The following SIRPA variants were observed in gnomAD, a reference collection of about 807,000 sequenced individuals.
SIRPA encodes signal regulatory protein alpha.
A neutral mutation model predicts 50.3 loss-of-function variants in SIRPA; 9 were observed. That is an observed-to-expected ratio of 0.18 (90% confidence interval 0.11 to 0.31). The LOEUF (loss-of-function observed/expected upper bound fraction) is 0.31. Ranked by LOEUF, SIRPA falls within the 10% of genes least tolerant of loss-of-function variation. SIRPA has a pLI of 1.00. For missense variants in SIRPA, 474 were observed against 661.6 expected (o/e 0.72, Z 3.11); for synonymous variants, 265 against 284.1 (o/e 0.93, Z 0.68).
chr20:1,895,766 CTG>C (rs1469865694), intron 1 of SIRPA, among the ~76,000 whole-genome samples: 1 of 152,234 alleles, frequency 6.6e-6, no homozygotes, highest in African/African-American at 2.4e-5. Context: ...GACTCTGACT[CTG>C]TGCACTGTGC....
At position 1,924,886 on chromosome 20, in the gene SIRPA, A is replaced by T. The variant is rs1382412102; in HGVS notation, c.1201+9A>T. On this transcript the variant is annotated intron_variant, in intron 5 of 7. Coordinates refer to ENST00000358771, the MANE Select transcript of SIRPA (RefSeq NM_001040023.2). This position sits in a 1 kb window ranked among gnomAD's most constrained non-coding sequence, Gnocchi z 4.5. ...AATCAGACAGAAGAAAGGTGGGTGC[A>T]TTCCCCTCTTCCTCCCTAAGGGTTT... 1 of 1,603,630 alleles carries T rather than the reference A, an allele frequency of 6.2e-7. No homozygotes were observed. The highest frequency in any genetic ancestry group is 1.3e-5 in the African/African-American group (1 of 74,702).
chr20:1,904,285 G>T (rs1387308941), intron 1 of SIRPA, among the ~76,000 whole-genome samples: 1 of 152,196 alleles, frequency 6.6e-6, no homozygotes, highest in Non-Finnish European at 1.5e-5. Context: ...TACGCAAACT[G>T]CTTGCCCAAC....
rs770583621 is a variant in SIRPA at position 1,899,000 on chromosome 20, GTGT to G, written c.79+3478_79+3480del. 6.6e-6 allele frequency among the ~76,000 whole-genome samples: 1 copy of G among 151,990 alleles called. No individual in the cohort carries two copies. The highest frequency in any genetic ancestry group is 1.5e-5 in the Non-Finnish European group (1 of 67,990). On this transcript the variant is annotated intron_variant, in intron 1 of 7. Transcript: ENST00000358771. The surrounding 1 kb of genome is among the most constrained non-coding windows in gnomAD (Gnocchi z 4.3). ...TGTGCGAGAGGAAGGGAGTCTAAAA[GTGT>G]TGTACGGATCCCACACGCGCTCGCT...
At chr20:1,922,759 A>G in intron 4 of SIRPA, 114 bp downstream of exon 4, 1 of 1,256,696 alleles carries the variant, frequency 8.0e-7, no homozygotes, top group Middle Eastern at 2.8e-4. Context: ...AAGTCTATAA[A>G]TATAAAGTAG....
chr20:1,936,009 C>G lies in SIRPA; in HGVS notation c.1266+1255C>G, dbSNP rs1301844048. ...TCCACTTTATTGAACCTCCCTTGGT[C>G]TCAGTGTCTTCAGCCGTAAAGTGGA... On this transcript the variant is annotated intron_variant, in intron 7 of 7. Coordinates refer to ENST00000358771, the MANE Select transcript of SIRPA (RefSeq NM_001040023.2). This position sits in a 1 kb window ranked among gnomAD's most constrained non-coding sequence, Gnocchi z 4.2. Among the ~76,000 whole-genome samples, 1 of 152,150 alleles carries G rather than the reference C, an allele frequency of 6.6e-6. No homozygotes were observed. Among genetic ancestry groups the G allele is most frequent in the Non-Finnish European group, 1.5e-5 (1 of 68,038 alleles).
intron 3 of SIRPA, among the ~76,000 whole-genome samples, chr20:1,922,010 G>T (rs1399321874): frequency 1.3e-5 from 2 of 152,160 alleles, no homozygotes; most frequent in Non-Finnish European, 2.9e-5. Context: ...CTATGTGCTT[G>T]GTGATTTTCT....
At chr20:1,910,197 C>G (rs1277080985) in intron 1 of SIRPA, among the ~76,000 whole-genome samples, 1 of 152,170 alleles carries the variant, frequency 6.6e-6, no homozygotes, top group Non-Finnish European at 1.5e-5. Context: ...GCCCTTAGCT[C>G]AGGGCCTGGC....
At chr20:1,923,667 G>T (rs1985800906) in intron 4 of SIRPA, among the ~76,000 whole-genome samples, 1 of 152,226 alleles carries the variant, frequency 6.6e-6, no homozygotes, top group African/African-American at 2.4e-5. Flanking sequence ...TTCATGGGAT[G>T]TGTAGGGCAT....
chr20:1,930,262 C>T (rs958187664), intron 6 of SIRPA, among the ~76,000 whole-genome samples: 3 of 152,182 alleles, frequency 2.0e-5, no homozygotes, highest in Admixed American at 6.5e-5. Flanking sequence ...CTCCTGGTGC[C>T]GCAGCGTGGA....
At chr20:1,906,500 G>T (rs6111920) in intron 1 of SIRPA, among the ~76,000 whole-genome samples, 31,232 of 152,012 alleles carry the variant, frequency 0.21, 3,621 homozygotes, top group African/African-American at 0.31. Context: ...GGAGAGGAGC[G>T]AGCCAGACAT....
At chr20:1,895,564 A>C in intron 1 of SIRPA, 38 bp downstream of exon 1, 1 of 1,370,702 alleles carries the variant, frequency 7.3e-7, no homozygotes, top group African/African-American at 1.5e-5. Context: ...GCACTCCCCA[A>C]ACTGCGGGCT....
chr20:1,928,031 T>G lies in SIRPA; in HGVS notation c.1226+132T>G, dbSNP rs1406858681. Reference sequence around the variant, plus strand: ...GGTCAACATGTCTCTTTCTCTCCTTTGTAACCTCCTCACACTGGGTCACGC... The same window carrying G: ...GGTCAACATGTCTCTTTCTCTCCTTGGTAACCTCCTCACACTGGGTCACGC... On this transcript the variant is annotated intron_variant, in intron 6 of 7. Transcript: ENST00000358771. This position sits in a 1 kb window ranked among gnomAD's most constrained non-coding sequence, Gnocchi z 4.9. 4.9e-6 allele frequency: 4 copies of G among 814,560 alleles called. No homozygotes were observed. The highest frequency in any genetic ancestry group is 3.6e-5 in the Admixed American group (2 of 55,996). 50.5% of individuals were successfully genotyped at this position (814,560 alleles called of 1,614,324 possible).
chr20:1,920,368 T>C (rs1985575387), intron 2 of SIRPA, among the ~76,000 whole-genome samples: 2 of 152,228 alleles, frequency 1.3e-5, no homozygotes, highest in Admixed American at 1.3e-4. Flanking sequence ...TGCAAGTATG[T>C]GTGATATGTG....
chr20:1,912,719 C>T (rs991773834), intron 1 of SIRPA, among the ~76,000 whole-genome samples: 5 of 152,252 alleles, frequency 3.3e-5, no homozygotes, highest in African/African-American at 9.6e-5. Flanking sequence ...CGGAACCCCA[C>T]TTCATGGATG....
In SIRPA at chr20:1,907,862, C is replaced by G. The variant is rs533659857; in HGVS notation, c.80-7237C>G. Among the ~76,000 whole-genome samples, 43 of 152,330 alleles carry G rather than the reference C, an allele frequency of 2.8e-4. 1 individual carries two copies. The highest frequency in any genetic ancestry group is 1.7e-3 in the South Asian group (8 of 4,834). On this transcript the variant is annotated intron_variant, in intron 1 of 7. Transcript: ENST00000358771. ...GTCCTGGCTGTTGGAGCCCCAAGCTCTCTTCTTGGGAACTGTGGCATCCAT... is the reference window on the plus strand; with the variant it reads ...GTCCTGGCTGTTGGAGCCCCAAGCTGTCTTCTTGGGAACTGTGGCATCCAT...
intron 3 of SIRPA, 69 bp from the exon 4 acceptor site, chr20:1,922,244 A>G (rs1448802373): frequency 5.6e-6 from 9 of 1,594,502 alleles, no homozygotes; most frequent in Non-Finnish European, 6.9e-6. Context: ...TGGGGGAGCT[A>G]CGTTATGGAG....
At chr20:1,923,467 G>A (rs1046925305) in intron 4 of SIRPA, among the ~76,000 whole-genome samples, 1 of 152,252 alleles carries the variant, frequency 6.6e-6, no homozygotes, top group African/African-American at 2.4e-5. Flanking sequence ...ACAGCCTTGG[G>A]GCTGTGTCAA....
chr20:1,900,016 A>G (rs1984077426), intron 1 of SIRPA, among the ~76,000 whole-genome samples: 1 of 152,116 alleles, frequency 6.6e-6, no homozygotes, highest in South Asian at 2.1e-4. Flanking sequence ...AGTTGCTTAC[A>G]CATAGGGGGT....
At position 1,905,977 on chromosome 20, in the gene SIRPA, C is replaced by G. The variant is rs1454324079; in HGVS notation, c.80-9122C>G. On this transcript the variant is annotated intron_variant, in intron 1 of 7. Coordinates refer to ENST00000358771, the MANE Select transcript of SIRPA (RefSeq NM_001040023.2). ...CATCAAGGCAGAGCTGGTTCTGCCT[C>G]GGAGAGGATCCCGAGCCTCTCAGGC... 2.6e-5 allele frequency among the ~76,000 whole-genome samples: 4 copies of G among 152,318 alleles called. 1 individual carries two copies. The South Asian group carries it at 8.3e-4, about 32-fold the overall frequency.
Sources: gnomAD v4.1 joint callset for allele counts (sites outside exome capture counted in the v4.1 genomes callset) on GRCh38, gnomAD v4.1.1 for gene constraint, Gnocchi (gnomAD v3.1) non-coding constraint, MANE v1.5 for transcripts, NCBI Gene and HGNC (gene_info 2026-07-23, HGNC 2026-07-21) for gene names.